SAFB2: variants seen among roughly 807,000 people sequenced by gnomAD.
SAFB2 encodes the protein scaffold attachment factor B2.
Under a neutral mutation model 100.6 loss-of-function variants are expected in SAFB2, and 32 were observed. That is an observed-to-expected ratio of 0.32 (90% CI 0.24 to 0.43). The LOEUF is 0.43. Ranked by LOEUF, SAFB2 falls within the 20% of genes least tolerant of loss-of-function variation. SAFB2 has a pLI of 1.00. For missense variants in SAFB2, 1,185 were observed against 1,163.4 expected (o/e 1.02, Z -0.27); for synonymous variants, 500 against 439.4 (o/e 1.14, Z -1.72).
chr19:5,598,862 C>A lies in SAFB2; in HGVS notation c.1713G>T (p.Thr571=). 1.2e-6 allele frequency: 2 copies of A among 1,614,120 alleles called. No individual in the cohort carries two copies. Residue 571 remains threonine (T), a synonymous_variant, in exon 13 of 21, where the codon ACG becomes ACT. Coordinates refer to ENST00000252542, the MANE Select transcript of SAFB2 (RefSeq NM_014649.3). ...CTCCTTTCGATTTATCCATCACGAC[C>A]GTCCGCTCCATTCCTCTGCTTCCTT... ...TKSGSRGMER[T]VVMDKSKGEP...
Position 5,615,829 on chromosome 19 carries a change from G to A in SAFB2, c.543+303C>T, listed in dbSNP as rs536744783. Among the ~76,000 whole-genome samples, 9 of 152,310 alleles carry A rather than the reference G, an allele frequency of 5.9e-5. No individual in the cohort carries two copies. In the East Asian group the frequency reaches 7.7e-4, roughly 13 times the overall value. ...CGCTGGAGCCCAAGAGTTCAAGACC[G>A]GCCTGGGTAACAGTTGAGACCTCAT... On this transcript the variant is annotated intron_variant, in intron 4 of 20. Transcript: ENST00000252542.
chr19:5,622,484 C>G (rs546594419), intron 1 of SAFB2, 46 bp downstream of exon 1: 4 of 1,484,054 alleles, frequency 2.7e-6, no homozygotes, highest in Middle Eastern at 4.8e-4. Context: ...CAGGCGGGGG[C>G]GTGCCCGGGC....
chr19:5,621,933 C>T (rs1484773159), intron 1 of SAFB2, among the ~76,000 whole-genome samples: 1 of 152,256 alleles, frequency 6.6e-6, no homozygotes, highest in African/African-American at 2.4e-5. Flanking sequence ...TGCATTTAGC[C>T]CCTGCTTTCA....
intron 9 of SAFB2, among the ~76,000 whole-genome samples, chr19:5,609,699 G>A (rs371380764): frequency 6.6e-6 from 1 of 152,234 alleles, no homozygotes; most frequent in African/African-American, 2.4e-5. Context: ...CAGCTGTTCT[G>A]AGCACTGTTG....
At chr19:5,597,937 C>T (rs2145327454) in intron 13 of SAFB2, among the ~76,000 whole-genome samples, 1 of 152,138 alleles carries the variant, frequency 6.6e-6, no homozygotes, top group Admixed American at 6.5e-5. Context: ...CGAGACCAGC[C>T]TGGCCAACGT....
intron 18 of SAFB2, among the ~76,000 whole-genome samples, chr19:5,589,723 C>T (rs1339491543): frequency 6.6e-6 from 1 of 152,106 alleles, no homozygotes; most frequent in African/African-American, 2.4e-5. Context: ...AGAACAGCAC[C>T]CCCACTGCAG....
intron 2 of SAFB2, among the ~76,000 whole-genome samples, chr19:5,617,910 G>A (rs1332839141): frequency 6.6e-6 from 1 of 152,222 alleles, no homozygotes; most frequent in Non-Finnish European, 1.5e-5. Flanking sequence ...GGGAGGCTAA[G>A]GCAGGTGGCT....
chr19:5,618,964 T>C (rs996875313), intron 2 of SAFB2, among the ~76,000 whole-genome samples: 1 of 152,216 alleles, frequency 6.6e-6, no homozygotes, highest in South Asian at 2.1e-4. Flanking sequence ...TGAAGACCCT[T>C]ACTCTGATTT....
intron 14 of SAFB2, 30 bp downstream of exon 14, chr19:5,595,331 C>A: frequency 6.3e-7 from 1 of 1,599,050 alleles, no homozygotes; most frequent in Admixed American, 1.7e-5. Context: ...AGGAAACCAC[C>A]AGCCCACAGC....
At position 5,587,409 on chromosome 19, in the gene SAFB2, AAGTC is replaced by A; in HGVS notation, c.2706-14_2706-11del. 1 of 1,605,248 alleles carries A rather than the reference AAGTC, an allele frequency of 6.2e-7. No homozygotes were observed. Among genetic ancestry groups the A allele is most frequent in the South Asian group, 1.1e-5 (1 of 89,684 alleles). On this transcript the variant is annotated splice_polypyrimidine_tract_variant and intron_variant, in intron 20 of 20. Transcript: ENST00000252542. The surrounding 1 kb of genome is among the most constrained non-coding windows in gnomAD (Gnocchi z 4.9). ...TGCAAAGCCGCCTCGCCTAGGAACAAAGTCAGACAATTTTTTTCCCCTTGAAGTG... is the reference window on the plus strand; with the variant it reads ...TGCAAAGCCGCCTCGCCTAGGAACAAAGACAATTTTTTTCCCCTTGAAGTG...
rs1458992055 is a variant in SAFB2, at chr19:5,622,518, G to A, written c.186+12C>T. On this transcript the variant is annotated intron_variant, in intron 1 of 20. Coordinates refer to ENST00000252542, the MANE Select transcript of SAFB2 (RefSeq NM_014649.3). ...GCCTCCTGCGCCACCCCCGAGCCCC[G>A]CGCCGCCTCACCTTCTTGAGCCGCT... 2.5e-6 allele frequency: 4 copies of A among 1,591,268 alleles called. No homozygotes were observed. Among genetic ancestry groups the A allele is most frequent in the Non-Finnish European group, 2.6e-6 (3 of 1,169,874 alleles).
Position 5,612,291 on chromosome 19 carries a change from C to T in SAFB2, c.634+249G>A, listed in dbSNP as rs915330736. ...GGGGACGGGGGAATTAAATGCCACT[C>T]TACGTGGTTAGACATGAAAAGAATC... On this transcript the variant is annotated intron_variant, in intron 6 of 20. Transcript: ENST00000252542. 2.2e-5 allele frequency: 12 copies of T among 547,862 alleles called. No individual in the cohort carries two copies. The African/African-American group carries it at 2.3e-4, about 10-fold the overall frequency. 33.9% of individuals were successfully genotyped at this position (547,862 alleles called of 1,614,324 possible). A position where few individuals can be genotyped will look rare whatever the true frequency, so the allele number is the denominator to read the frequency against.
intron 9 of SAFB2, among the ~76,000 whole-genome samples, chr19:5,609,591 C>T (rs1050357145): frequency 3.9e-5 from 6 of 152,084 alleles, no homozygotes; most frequent in African/African-American, 1.2e-4. Context: ...AAAATCTCAT[C>T]ATGTAAGCTT....
At position 5,610,112 on chromosome 19, in the gene SAFB2, A is replaced by T. The variant is rs1368631622; in HGVS notation, c.1196-17T>A. The T allele has an allele frequency of 3.7e-6, 6 of 1,608,542 alleles. No homozygotes were observed. Among genetic ancestry groups the T allele is most frequent in the Non-Finnish European group, 5.1e-6 (6 of 1,175,170 alleles). On this transcript the variant is annotated splice_polypyrimidine_tract_variant and intron_variant, in intron 8 of 20. Coordinates refer to ENST00000252542, the MANE Select transcript of SAFB2 (RefSeq NM_014649.3). ...CGACCCGACCTGGCACGAGAGGGAG[A>T]TTCTTAGGCATCACCCCAAGGCCTA...
At position 5,604,850 on chromosome 19, in the gene SAFB2, C is replaced by G. The variant is rs1440623483; in HGVS notation, c.1383G>C (p.Ala461=). 4.3e-6 allele frequency: 7 copies of G among 1,614,106 alleles called. No homozygotes were observed. The highest frequency in any genetic ancestry group is 5.9e-6 in the Non-Finnish European group (7 of 1,180,018). ...GFVTMSTSDE[A]TKCISHLHRT... is the part of the protein sequence containing the mutation. Reference sequence around the variant, plus strand: ...TGTGGAGATGGCTGATGCACTTGGTCGCCTCGTCAGATGTCGACATGGTGA... The same window carrying G: ...TGTGGAGATGGCTGATGCACTTGGTGGCCTCGTCAGATGTCGACATGGTGA... Residue 461 remains alanine (A), a synonymous_variant, in exon 10 of 21, where the codon GCG becomes GCC. Coordinates refer to ENST00000252542, the MANE Select transcript of SAFB2 (RefSeq NM_014649.3).
chr19:5,591,990 G>C (rs1488249274), intron 16 of SAFB2, among the ~76,000 whole-genome samples, 197 bp from the exon 17 acceptor site: 2 of 152,194 alleles, frequency 1.3e-5, no homozygotes, highest in South Asian at 4.1e-4. Flanking sequence ...ATCCTAAAGA[G>C]GTAGGAATAA....
chr19:5,622,747 TCGCACACCGCCGG>T lies in SAFB2; in HGVS notation c.-45_-33del, dbSNP rs2053201424. ...GTTCCCGTCTTCGCCACCGACTCAG[TCGCACACCGCCGG>T]CAGCTATAGCGGCTCTGAACACAAA... is the stretch of plus-strand genomic sequence containing the variant. On this transcript the variant is annotated 5_prime_UTR_variant, in exon 1 of 21. Coordinates refer to ENST00000252542, the MANE Select transcript of SAFB2 (RefSeq NM_014649.3). 6.3e-7 allele frequency: 1 copy of T among 1,576,166 alleles called. No individual in the cohort carries two copies. Among genetic ancestry groups the T allele is most frequent in the African/African-American group, 1.4e-5 (1 of 74,012 alleles).
At chr19:5,589,691 CCCA>C (rs1392598838) in intron 18 of SAFB2, among the ~76,000 whole-genome samples, 1 of 152,138 alleles carries the variant, frequency 6.6e-6, no homozygotes, top group African/African-American at 2.4e-5. Context: ...AGCCCTGCCC[CCCA>C]CCAATGCTGA....
intron 12 of SAFB2, 122 bp downstream of exon 12, chr19:5,600,008 G>T: frequency 1.0e-6 from 1 of 979,086 alleles, no homozygotes; most frequent in Non-Finnish European, 1.5e-6. Flanking sequence ...CTTTAACACT[G>T]CCATATGAAC....
Sources: allele counts gnomAD v4.1 joint callset (sites outside exome capture counted in the v4.1 genomes callset), GRCh38; gene constraint gnomAD v4.1.1; non-coding constraint Gnocchi (gnomAD v3.1); transcripts MANE v1.5; gene names NCBI Gene and HGNC (gene_info 2026-07-23, HGNC 2026-07-21).